Variants in STYXL2 observed in about 807,000 individuals in gnomAD.
STYXL2 encodes serine/threonine/tyrosine interacting like 2.
A neutral mutation model predicts 52.4 loss-of-function variants in STYXL2; 44 were observed. The observed-to-expected ratio is 0.84, with a 90% CI of 0.66 to 1.08. The LOEUF is 1.08. STYXL2 is among the 50% of genes least tolerant of loss of function. The pLI is 0.00. For missense variants in STYXL2, 1,604 were observed against 1,471.7 expected, an observed-to-expected ratio of 1.09 and a Z score of -1.47; for synonymous variants, 604 against 586.9, an observed-to-expected ratio of 1.03 and a Z score of -0.42.
chr1:167,117,351 G>A lies in STYXL2; in HGVS notation c.229G>A (p.Ala77Thr). Residue 77 changes from alanine to threonine, a missense_variant, in exon 4 of 6, where the codon GCA (alanine) becomes ACA (threonine). Physicochemically the swap from Ala to Thr is moderately conservative, Grantham distance 58 (BLOSUM62 0). Transcript: ENST00000361200. ...NEELKPPGVR[A>T]DAECPGMLES... is the part of the protein sequence containing the mutation. Reference sequence around the variant, plus strand: ...AGAACTCAAGCCACCGGGGGTCAGAGCAGACGCAGAGTGTCCAGGCATGCT... The same window carrying A: ...AGAACTCAAGCCACCGGGGGTCAGAACAGACGCAGAGTGTCCAGGCATGCT... 1 of 1,610,480 alleles carries A rather than the reference G, an allele frequency of 6.2e-7. No individual in the cohort carries two copies. The highest frequency in any genetic ancestry group is 8.5e-7 in the Non-Finnish European group (1 of 1,178,470).
chr1:167,094,415 C>A (rs35678279), intron 1 of STYXL2: 8,080 of 176,048 alleles, frequency 0.046, 230 homozygotes, highest in African/African-American at 0.073. Flanking sequence ...TCTTCCCCAG[C>A]AGAGACAAAG....
At chr1:167,121,857 C>A (rs545057610) in intron 5 of STYXL2, among the ~76,000 whole-genome samples, 1 of 152,324 alleles carries the variant, frequency 6.6e-6, no homozygotes, top group East Asian at 1.9e-4. Context: ...TGCCAGGCAG[C>A]GAAAGGCCCT....
chr1:167,117,773 C>T (rs1667761709), intron 4 of STYXL2, among the ~76,000 whole-genome samples: 2 of 152,352 alleles, frequency 1.3e-5, no homozygotes, highest in African/African-American at 4.8e-5. Flanking sequence ...GACTGCTTAT[C>T]CTTTGCCCTC....
At chr1:167,121,881 C>T (rs1424990211) in intron 5 of STYXL2, among the ~76,000 whole-genome samples, 1 of 152,192 alleles carries the variant, frequency 6.6e-6, no homozygotes, top group Non-Finnish European at 1.5e-5. Context: ...TGTTGCTGTG[C>T]TTGTTGCTTT....
intron 2 of STYXL2, among the ~76,000 whole-genome samples, chr1:167,101,276 T>C (rs886681214): frequency 6.6e-6 from 1 of 152,184 alleles, no homozygotes; most frequent in Admixed American, 6.5e-5. Flanking sequence ...CACAGTGAGT[T>C]ACCGTTACAT....
chr1:167,125,738 C>T (rs769631343), intron 5 of STYXL2, 49 bp from the exon 6 acceptor site: 2 of 1,531,688 alleles, frequency 1.3e-6, no homozygotes, highest in Admixed American at 2.0e-5. Flanking sequence ...AAGAACACTA[C>T]AAGGAAGCCA....
Position 167,094,920 on chromosome 1 carries a change from C to G in STYXL2, c.71C>G (p.Ala24Gly), listed in dbSNP as rs199800806. The G allele has an allele frequency of 1.2e-6, 2 of 1,611,462 alleles. No homozygotes were observed. The highest frequency in any genetic ancestry group is 2.7e-5 in the African/African-American group (2 of 74,846). Residue 24 changes from alanine to glycine, a missense_variant, in exon 2 of 6, where the codon GCG becomes GGG. By Grantham distance (60) the Ala-to-Gly change is moderately conservative (BLOSUM62 0). Transcript: ENST00000361200. ...PSEEDEANVR[A>G]VQAHYLRSPS... ...GAGGAGGACGAAGCCAACGTGAGGG[C>G]GGTGCAGGCCCACTACCTCCGAAGC...
At chr1:167,112,442 G>A (rs1667639020) in intron 2 of STYXL2, among the ~76,000 whole-genome samples, 2 of 152,216 alleles carry the variant, frequency 1.3e-5, no homozygotes, top group Admixed American at 1.3e-4. Context: ...GCTCAAGTTA[G>A]CTTTGTTCAG....
At chr1:167,107,021 C>A (rs7538944) in intron 2 of STYXL2, among the ~76,000 whole-genome samples, 1 of 151,952 alleles carries the variant, frequency 6.6e-6, no homozygotes, top group African/African-American at 2.4e-5. Context: ...AGGACTTGAC[C>A]GGGCAGTTTT....
intron 1 of STYXL2, chr1:167,094,501 C>G (rs1483299472): frequency 3.4e-6 from 1 of 291,644 alleles, no homozygotes; most frequent in Non-Finnish European, 6.6e-6. Flanking sequence ...CTTGCTGGTC[C>G]AGGGAAGTCA....
chr1:167,127,541 A>G lies in STYXL2; in HGVS notation c.2410A>G (p.Thr804Ala). ...DMQSVLSCNT[T>A]LSSPAESCRS... ...GCAGTCTGTGCTGTCCTGCAACACC[A>G]CACTGAGCTCACCCGCGGAAAGTTG... is the stretch of plus-strand genomic sequence containing the variant. Residue 804 changes from threonine (T) to alanine (A), a missense_variant, in exon 6 of 6, where the codon ACA becomes GCA. Physicochemically the swap from Thr to Ala is moderately conservative, Grantham distance 58. Transcript: ENST00000361200. The G allele has an allele frequency of 6.2e-7, 1 of 1,614,072 alleles. No individual in the cohort carries two copies. The highest frequency in any genetic ancestry group is 8.5e-7 in the Non-Finnish European group (1 of 1,180,002).
chr1:167,104,591 T>C (rs572301148), intron 2 of STYXL2, among the ~76,000 whole-genome samples: 2 of 152,296 alleles, frequency 1.3e-5, no homozygotes, highest in East Asian at 1.9e-4. Flanking sequence ...TCCTTTACAT[T>C]TCTTTTTTGG....
intron 1 of STYXL2, 150 bp downstream of exon 1, chr1:167,094,344 C>T (rs889686154): frequency 1.2e-4 from 19 of 163,690 alleles, no homozygotes; most frequent in Non-Finnish European, 2.0e-4. Flanking sequence ...TCCAGGATGA[C>T]GCCTGAGCCA....
chr1:167,123,642 G>A (rs1359632704), intron 5 of STYXL2, among the ~76,000 whole-genome samples: 1 of 152,124 alleles, frequency 6.6e-6, no homozygotes, highest in African/African-American at 2.4e-5. Flanking sequence ...TCTTTTTTAA[G>A]AAACAGAATC....
chr1:167,103,257 C>T (rs537952813), intron 2 of STYXL2, among the ~76,000 whole-genome samples: 42 of 152,226 alleles, frequency 2.8e-4, no homozygotes, highest in African/African-American at 9.9e-4. Flanking sequence ...TGCAATGATC[C>T]TTTTTCCAAA....
chr1:167,100,393 A>G (rs1667378394), intron 2 of STYXL2, among the ~76,000 whole-genome samples: 1 of 152,232 alleles, frequency 6.6e-6, no homozygotes, highest in African/African-American at 2.4e-5. Context: ...TTAACTGCCT[A>G]TCACTTTGGG....
chr1:167,113,789 C>T lies in STYXL2; in HGVS notation c.190C>T (p.Gln64Ter), dbSNP rs1431443695. 1 of 1,613,638 alleles carries T rather than the reference C, an allele frequency of 6.2e-7. No individual in the cohort carries two copies. The highest frequency in any genetic ancestry group is 1.1e-5 in the South Asian group (1 of 91,072). Residue 64 changes from glutamine (Q) to a stop codon, truncating the protein, a stop_gained, in exon 3 of 6, where the codon CAG (glutamine) becomes TAG (stop). Coordinates refer to ENST00000361200, the MANE Select transcript of STYXL2 (RefSeq NM_001080426.3). LOFTEE classifies it high-confidence loss of function. ...CCTCTCCTCAGCCATTGCAGCCAAA[C>T]AGATCATCAATGAAGGTAATGCAAT... ...IHLSSAIAAKQIINEELKPPG... is the reference protein window; with the variant it reads ...IHLSSAIAAK
rs576747458 is a variant in STYXL2, at chr1:167,106,027, A to G, written c.111-7683A>G. 1.8e-3 allele frequency among the ~76,000 whole-genome samples: 270 copies of G among 152,326 alleles called. 2 individuals carry two copies. Among genetic ancestry groups the G allele is most frequent in the African/African-American group, 6.3e-3 (261 of 41,570 alleles). Reference sequence around the variant, plus strand: ...CGAACTTCAATCTTTACCACCCATTAGAAGGAAAGATGTTTCACAGAGATT... The same window carrying G: ...CGAACTTCAATCTTTACCACCCATTGGAAGGAAAGATGTTTCACAGAGATT... On this transcript the variant is annotated intron_variant, in intron 2 of 5. Transcript: ENST00000361200.
At chr1:167,101,358 A>G (rs1031446562) in intron 2 of STYXL2, among the ~76,000 whole-genome samples, 4 of 152,212 alleles carry the variant, frequency 2.6e-5, no homozygotes, top group African/African-American at 9.7e-5. Context: ...AGTACTTGGG[A>G]CAATCTTATA....
Sources: allele counts gnomAD v4.1 joint callset (sites outside exome capture counted in the v4.1 genomes callset), GRCh38; gene constraint gnomAD v4.1.1; transcripts MANE v1.5; gene names NCBI Gene and HGNC (gene_info 2026-07-23, HGNC 2026-07-21).